Variants in ECSIT observed in about 807,000 individuals in gnomAD.
ECSIT encodes the protein ECSIT signaling integrator.
In ECSIT, 29 loss-of-function variants were observed where a neutral mutation model predicts 36.8. The ratio of observed to expected loss-of-function variants is 0.79; its 90% CI spans 0.59 to 1.08. The LOEUF is 1.08. ECSIT is among the 50% of genes least tolerant of loss of function. The pLI is 0.00. For synonymous variants in ECSIT, 231 were observed against 234.8 expected (o/e 0.98, Z 0.15); for missense variants, 542 against 581.0 (o/e 0.93, Z 0.69).
intron 1 of ECSIT, among the ~76,000 whole-genome samples, chr19:11,520,392 G>A (rs755602351): frequency 6.6e-6 from 1 of 151,978 alleles, no homozygotes; most frequent in East Asian, 1.9e-4. Flanking sequence ...GGCTGGTCTC[G>A]AACTCCTGAC....
chr19:11,509,069 ATTTTTTTT>A (rs140542540), intron 4 of ECSIT, among the ~76,000 whole-genome samples: 1 of 136,592 alleles, frequency 7.3e-6, no homozygotes, highest in Non-Finnish European at 1.6e-5. Flanking sequence ...ACACTAGACA[ATTTTTTTT>A]TTTTTTTTTT....
At chr19:11,526,046 C>T (rs1186482303) in intron 1 of ECSIT, among the ~76,000 whole-genome samples, 1 of 151,838 alleles carries the variant, frequency 6.6e-6, no homozygotes, top group Non-Finnish European at 1.5e-5. Context: ...CTCACTGCAA[C>T]CTCCGTATCC....
chr19:11,527,133 C>T (rs1387921675), intron 1 of ECSIT, among the ~76,000 whole-genome samples: 1 of 151,558 alleles, frequency 6.6e-6, no homozygotes, highest in African/African-American at 2.4e-5. Flanking sequence ...ACCAGCCTGG[C>T]CGAGATGGTG....
chr19:11,516,191 A>G (rs1454439036), intron 2 of ECSIT: 1 of 152,164 alleles, frequency 6.6e-6, no homozygotes, highest in Non-Finnish European at 1.5e-5. Flanking sequence ...TGGTCCCCCA[A>G]GTCCCAGGAG....
In ECSIT at chr19:11,507,947, G is replaced by C. The variant is rs758530663; in HGVS notation, c.796+44C>G. On this transcript the variant is annotated intron_variant, in intron 5 of 7. Transcript: ENST00000270517. ...GCCCAGCGAGAACCTGGCAGGGCCT[G>C]GGTAAGGTTAGAGACTTGGCTGCCC... 9 of 1,614,016 alleles carry C rather than the reference G, an allele frequency of 5.6e-6. No homozygotes were observed. In the South Asian group the frequency reaches 9.9e-5, roughly 18 times the overall value.
intron 2 of ECSIT, among the ~76,000 whole-genome samples, chr19:11,517,747 C>T (rs957731584): frequency 2.0e-5 from 3 of 152,006 alleles, no homozygotes; most frequent in Non-Finnish European, 4.4e-5. Context: ...ATGCATAGTG[C>T]GGGGCCGGGC....
intron 6 of ECSIT, 56 bp from the exon 7 acceptor site, chr19:11,507,618 C>G: frequency 6.2e-7 from 1 of 1,613,206 alleles, no homozygotes. Flanking sequence ...TCTCGGTCTC[C>G]CTCCTCCAGC....
At chr19:11,514,450 A>G (rs73512800) in intron 2 of ECSIT, among the ~76,000 whole-genome samples, 7,702 of 152,206 alleles carry the variant, frequency 0.051, 349 homozygotes, top group African/African-American at 0.12. Context: ...GGGAGCTGGT[A>G]AAAACTGCCA....
intron 1 of ECSIT, among the ~76,000 whole-genome samples, chr19:11,521,030 T>G (rs1020622028): frequency 6.6e-6 from 1 of 152,170 alleles, no homozygotes; most frequent in African/African-American, 2.4e-5. Flanking sequence ...GGTCTTGAAC[T>G]CCTGACATCA....
chr19:11,513,801 C>T lies in ECSIT; in HGVS notation c.514+3G>A, dbSNP rs755240304. On this transcript the variant is annotated splice_donor_region_variant and intron_variant, in intron 3 of 7. Coordinates refer to ENST00000270517, the MANE Select transcript of ECSIT (RefSeq NM_016581.5). ...CCACCCTGCGCCAGCCTCCTGGCCT[C>T]ACCGTGGTTCTCCATCTGCTCCAGG... 1.9e-6 allele frequency: 3 copies of T among 1,613,848 alleles called. No homozygotes were observed. Among genetic ancestry groups the T allele is most frequent in the Non-Finnish European group, 2.5e-6 (3 of 1,179,980 alleles).
intron 1 of ECSIT, among the ~76,000 whole-genome samples, chr19:11,521,459 T>A (rs1972101898): frequency 6.6e-6 from 1 of 151,974 alleles, no homozygotes. Context: ...ACGTGGATTT[T>A]TTTTTTTTTT....
At position 11,513,887 on chromosome 19, in the gene ECSIT, C is replaced by T. The variant is rs146711627; in HGVS notation, c.431G>A (p.Arg144His). ...NIFPKEVFRP[R>H]NIIQRIFVHY... ...GACGAAGATGCGCTGGATGATGTTG[C>T]GAGGCCGGAAGACCTCCTTGGGGAA... Residue 144 changes from arginine (R) to histidine (H), a missense_variant, in exon 3 of 8, where the codon CGC becomes CAC. Arg to His is a conservative substitution (Grantham distance 29). Coordinates refer to ENST00000270517, the MANE Select transcript of ECSIT (RefSeq NM_016581.5). 1.9e-4 allele frequency: 310 copies of T among 1,614,026 alleles called. No homozygotes were observed. Among genetic ancestry groups the T allele is most frequent in the Middle Eastern group, 3.3e-4 (2 of 6,084 alleles).
At chr19:11,526,033 T>C (rs1599593169) in intron 1 of ECSIT, among the ~76,000 whole-genome samples, 1 of 151,414 alleles carries the variant, frequency 6.6e-6, no homozygotes, top group African/African-American at 2.4e-5. Context: ...GGTGCAATCT[T>C]GGCTCACTGC....
chr19:11,526,515 T>C (rs1320279358), intron 1 of ECSIT, among the ~76,000 whole-genome samples: 2 of 152,164 alleles, frequency 1.3e-5, no homozygotes, highest in African/African-American at 2.4e-5. Flanking sequence ...GCTACAAACC[T>C]AGGAGACATT....
intron 1 of ECSIT, chr19:11,523,446 G>A (rs1235371305): frequency 2.5e-6 from 2 of 799,162 alleles, no homozygotes; most frequent in African/African-American, 1.7e-5. Flanking sequence ...ATGGCCGAGG[G>A]AGGCATTGCT....
chr19:11,506,051 G>T lies in ECSIT; in HGVS notation c.*133C>A. 1 of 1,412,778 alleles carries T rather than the reference G, an allele frequency of 7.1e-7. No individual in the cohort carries two copies. The highest frequency in any genetic ancestry group is 9.5e-7 in the Non-Finnish European group (1 of 1,050,066). The allele number at this position is 1,412,778 out of a possible 1,614,324, so 87.5% of individuals were successfully genotyped here. A position where few individuals can be genotyped will look rare whatever the true frequency, so the allele number is the denominator to read the frequency against. On this transcript the variant is annotated 3_prime_UTR_variant, in exon 8 of 8. Coordinates refer to ENST00000270517, the MANE Select transcript of ECSIT (RefSeq NM_016581.5). The stretch of plus-strand genomic sequence containing the variant: ...CAGCCCGAGATCCTGGGGAGGGGAT[G>T]CCATACTGCTAGAGATGAGGGAAGA...
intron 1 of ECSIT, among the ~76,000 whole-genome samples, chr19:11,523,058 G>A (rs1179749764): frequency 2.0e-5 from 3 of 151,944 alleles, no homozygotes; most frequent in African/African-American, 7.2e-5. Context: ...GTGACAGAGT[G>A]AAAGAAAAAA....
intron 4 of ECSIT, among the ~76,000 whole-genome samples, chr19:11,510,945 C>A (rs1212585218): frequency 6.6e-6 from 1 of 151,584 alleles, no homozygotes. Context: ...TGCCCCCCCA[C>A]CCCCGGCATA....
At chr19:11,512,504 A>C (rs1971890684) in intron 4 of ECSIT, among the ~76,000 whole-genome samples, 1 of 152,086 alleles carries the variant, frequency 6.6e-6, no homozygotes, top group South Asian at 2.1e-4. Context: ...GTGAGCAATA[A>C]ATTTTTGTTG....
Sources: gnomAD v4.1 joint callset for allele counts (sites outside exome capture counted in the v4.1 genomes callset) on GRCh38, gnomAD v4.1.1 for gene constraint, MANE v1.5 for transcripts, NCBI Gene and HGNC (gene_info 2026-07-23, HGNC 2026-07-21) for gene names.